Variants in PRKAG2 observed in about 807,000 individuals in gnomAD.
The protein encoded by PRKAG2 is protein kinase AMP-activated non-catalytic subunit gamma 2, also known as 5'-AMP-activated protein kinase subunit gamma-2.
A neutral mutation model predicts 69.6 loss-of-function variants in PRKAG2; 26 were observed. The observed-to-expected ratio is 0.37, with a 90% CI of 0.27 to 0.52. The LOEUF (loss-of-function observed/expected upper bound fraction) is 0.52, where lower values mean the gene tolerates loss of function less well. Among genes scored for constraint, PRKAG2 ranks in the 20% least tolerant of loss-of-function variants. PRKAG2 has a pLI of 0.90. For missense variants in PRKAG2, 557 were observed against 740.0 expected, an observed-to-expected ratio of 0.75 and a Z score of 2.87; for synonymous variants, 293 against 285.0, an observed-to-expected ratio of 1.03 and a Z score of -0.28.
In PRKAG2 at chr7:151,614,329, G is replaced by A. The variant is rs1461483715; in HGVS notation, c.754+17740C>T. On this transcript the variant is annotated intron_variant, in intron 5 of 15. Coordinates refer to ENST00000287878, the MANE Select transcript of PRKAG2 (RefSeq NM_016203.4). This position sits in a 1 kb window ranked among gnomAD's most constrained non-coding sequence, Gnocchi z 4.4. ...CATGGCGATGGGGGAGCAGCAGCAG[G>A]GTGGCAGGGAGGCCATGGGGTCGGT... 1.3e-5 allele frequency among the ~76,000 whole-genome samples: 2 copies of A among 152,156 alleles called. No homozygotes were observed. Among genetic ancestry groups the A allele is most frequent in the African/African-American group, 4.8e-5 (2 of 41,434 alleles).
rs146973744 is a variant in PRKAG2, at chr7:151,743,416, G to A, written c.466+37736C>T. ...ACACTAGGTTTATAAGATCTGGGAG[G>A]GAGTGAAATCAGAGCTCAGCTCATT... is the stretch of plus-strand genomic sequence containing the variant. On this transcript the variant is annotated intron_variant, in intron 3 of 15. Coordinates refer to ENST00000287878, the MANE Select transcript of PRKAG2 (RefSeq NM_016203.4). Among the ~76,000 whole-genome samples, 88 of 152,240 alleles carry A rather than the reference G, an allele frequency of 5.8e-4. 1 individual carries two copies. Among genetic ancestry groups the A allele is most frequent in the Non-Finnish European group, 9.4e-4 (64 of 68,026 alleles).
intron 3 of PRKAG2, among the ~76,000 whole-genome samples, chr7:151,679,724 G>A (rs1355597071): frequency 6.6e-6 from 1 of 152,136 alleles, no homozygotes; most frequent in Non-Finnish European, 1.5e-5. Flanking sequence ...CTCCTCCATG[G>A]ACAATGCTGA....
chr7:151,744,358 T>C (rs1185821963), intron 3 of PRKAG2, among the ~76,000 whole-genome samples: 1 of 152,086 alleles, frequency 6.6e-6, no homozygotes, highest in African/African-American at 2.4e-5. Flanking sequence ...TATCGCCTGG[T>C]GAATGGGACT....
intron 6 of PRKAG2, among the ~76,000 whole-genome samples, chr7:151,584,688 G>A (rs1027428759): frequency 2.0e-5 from 3 of 152,158 alleles, no homozygotes; most frequent in Non-Finnish European, 4.4e-5. Flanking sequence ...CTTGAGCCTC[G>A]GGGTTCAAGA....
chr7:151,617,676 T>C (rs1820511110), intron 5 of PRKAG2, among the ~76,000 whole-genome samples: 1 of 152,122 alleles, frequency 6.6e-6, no homozygotes, highest in Admixed American at 6.6e-5. Context: ...TAATCACAGG[T>C]CATAGTAACA....
Position 151,851,858 on chromosome 7 carries a change from T to C in PRKAG2, c.114+24649A>G, listed in dbSNP as rs73728424. ...CTCACTCCCATCACTGCTAAAACACTGCTCAGACTCAACTTCCCCAGGGGA... is the reference window on the plus strand; with the variant it reads ...CTCACTCCCATCACTGCTAAAACACCGCTCAGACTCAACTTCCCCAGGGGA... On this transcript the variant is annotated intron_variant, in intron 1 of 15. Coordinates refer to ENST00000287878, the MANE Select transcript of PRKAG2 (RefSeq NM_016203.4). Among the ~76,000 whole-genome samples the C allele has an allele frequency of 3.4e-3, 517 of 152,250 alleles. 6 individuals are homozygous for C. The highest frequency in any genetic ancestry group is 0.012 in the African/African-American group (489 of 41,538).
intron 3 of PRKAG2, among the ~76,000 whole-genome samples, chr7:151,764,775 C>T (rs369197165): frequency 1.8e-4 from 28 of 152,266 alleles, no homozygotes; most frequent in African/African-American, 5.5e-4. Flanking sequence ...GGTCCCAGGA[C>T]GTGGGGGCAG....
At chr7:151,714,467 GC>G (rs1341813809) in intron 3 of PRKAG2, among the ~76,000 whole-genome samples, 6 of 137,042 alleles carry the variant, frequency 4.4e-5, no homozygotes, top group Non-Finnish European at 7.6e-5. Flanking sequence ...CCATCCACAT[GC>G]CGCCATCCTC....
At chr7:151,559,130 C>T (rs1391581289) in intron 15 of PRKAG2, 1 of 985,262 alleles carries the variant, frequency 1.0e-6, no homozygotes, top group African/African-American at 1.7e-5. Flanking sequence ...TTATGCCTGC[C>T]TGGAAATTTA....
At chr7:151,559,259 C>T (rs557082255) in intron 15 of PRKAG2, 47 of 975,026 alleles carry the variant, frequency 4.8e-5, no homozygotes, top group African/African-American at 3.0e-4. Flanking sequence ...CGTATTCCAT[C>T]GAATGAATGT....
At chr7:151,855,093 A>ACCC (rs2079691361) in intron 1 of PRKAG2, among the ~76,000 whole-genome samples, 1 of 32,650 alleles carries the variant, frequency 3.1e-5, no homozygotes, top group Non-Finnish European at 5.2e-5. Context: ...CACACACACC[A>ACCC]TCCTCCACAC....
In PRKAG2 at chr7:151,876,626, T is replaced by C. The variant is rs1260774076; in HGVS notation, c.-6A>G. On this transcript the variant is annotated 5_prime_UTR_variant, in exon 1 of 16. Coordinates refer to ENST00000287878, the MANE Select transcript of PRKAG2 (RefSeq NM_016203.4). ...TCCATAACCGCGCTTCCCATAACTCTAACCAGAAGTTGATTCTGCGAAACT... is the reference window on the plus strand; with the variant it reads ...TCCATAACCGCGCTTCCCATAACTCCAACCAGAAGTTGATTCTGCGAAACT... 2.5e-6 allele frequency: 4 copies of C among 1,607,316 alleles called. No individual in the cohort carries two copies. Among genetic ancestry groups the C allele is most frequent in the Non-Finnish European group, 3.4e-6 (4 of 1,179,386 alleles).
At chr7:151,745,286 G>A (rs1040800406) in intron 3 of PRKAG2, among the ~76,000 whole-genome samples, 1 of 152,168 alleles carries the variant, frequency 6.6e-6, no homozygotes, top group Non-Finnish European at 1.5e-5. Flanking sequence ...GCAGCAACAC[G>A]CCTTAGCACA....
At chr7:151,794,442 C>T (rs2077398676) in intron 1 of PRKAG2, among the ~76,000 whole-genome samples, 1 of 152,252 alleles carries the variant, frequency 6.6e-6, no homozygotes, top group African/African-American at 2.4e-5. Context: ...TTATCACGGG[C>T]TGGTGGGAAA....
intron 3 of PRKAG2, among the ~76,000 whole-genome samples, chr7:151,693,453 C>T (rs1836032902): frequency 6.6e-6 from 1 of 152,364 alleles, no homozygotes; most frequent in Non-Finnish European, 1.5e-5. Context: ...GGGCCATCAG[C>T]AGCCACGCTA....
intron 1 of PRKAG2, among the ~76,000 whole-genome samples, chr7:151,804,883 G>A (rs375353464): frequency 6.6e-6 from 1 of 152,156 alleles, no homozygotes; most frequent in Non-Finnish European, 1.5e-5. Context: ...CAGAGCTCCA[G>A]GAGTTTTCTG....
intron 1 of PRKAG2, among the ~76,000 whole-genome samples, chr7:151,787,715 G>A (rs1015090045): frequency 6.6e-6 from 1 of 152,142 alleles, no homozygotes; most frequent in African/African-American, 2.4e-5. Context: ...ATATGTTGAA[G>A]TCCTGCCCCC....
At chr7:151,817,654 C>A (rs943256072) in intron 1 of PRKAG2, among the ~76,000 whole-genome samples, 3 of 152,218 alleles carry the variant, frequency 2.0e-5, no homozygotes, top group Non-Finnish European at 4.4e-5. Flanking sequence ...TAGGTTATCA[C>A]CAGGGCCCTC....
intron 6 of PRKAG2, among the ~76,000 whole-genome samples, chr7:151,578,580 C>T (rs1353805481): frequency 2.0e-5 from 3 of 152,248 alleles, no homozygotes; most frequent in Non-Finnish European, 2.9e-5. Context: ...AATTATTTCA[C>T]GCATTTATTT....
Sources: allele counts gnomAD v4.1 joint callset (sites outside exome capture counted in the v4.1 genomes callset), GRCh38; gene constraint gnomAD v4.1.1; non-coding constraint Gnocchi (gnomAD v3.1); transcripts MANE v1.5; gene names NCBI Gene and HGNC (gene_info 2026-07-23, HGNC 2026-07-21).